The following ITIH5 variants were observed in gnomAD, a reference collection of about 807,000 sequenced individuals.
ITIH5 encodes inter-alpha-trypsin inhibitor heavy chain 5.
A neutral mutation model predicts 77.5 loss-of-function variants in ITIH5; 65 were observed. The observed-to-expected ratio is 0.84, with a 90% CI of 0.69 to 1.03. ITIH5 has a LOEUF of 1.03. Ranked by LOEUF, ITIH5 falls within the 50% of genes least tolerant of loss-of-function variation. ITIH5 has a pLI of 0.00. For missense variants in ITIH5, 1,208 were observed against 1,213.1 expected, an observed-to-expected ratio of 1.00 and a Z score of 0.06; for synonymous variants, 525 against 494.3, an observed-to-expected ratio of 1.06 and a Z score of -0.82.
chr10:7,661,758 T>A (rs1834280370), intron 1 of ITIH5, among the ~76,000 whole-genome samples: 1 of 152,116 alleles, frequency 6.6e-6, no homozygotes. Context: ...TGGAGTGCAG[T>A]GGCATGATTA....
chr10:7,642,030 A>G lies in ITIH5; in HGVS notation c.196T>C (p.Phe66Leu), dbSNP rs189221141. 2 of 1,614,004 alleles carry G rather than the reference A, an allele frequency of 1.2e-6. No homozygotes were observed. The highest frequency in any genetic ancestry group is 1.7e-6 in the Non-Finnish European group (2 of 1,179,860). Residue 66 changes from phenylalanine (F) to leucine (L), a missense_variant, in exon 3 of 14, where the codon TTC (phenylalanine) becomes CTC (leucine). Phe to Leu is a conservative substitution (Grantham distance 22). Coordinates refer to ENST00000397146, the MANE Select transcript of ITIH5 (RefSeq NM_030569.7). ...AGCATTCTGCAGGAAACCGTAGTGA[A>G]GGCATAACGGGAAATGATGGTAGAC... is the stretch of plus-strand genomic sequence containing the variant. The part of the protein sequence containing the change: ...VKSTIISRYA[F>L]TTVSCRMLNR...
intron 7 of ITIH5, among the ~76,000 whole-genome samples, chr10:7,606,717 G>A (rs1833133175): frequency 6.6e-6 from 1 of 152,094 alleles, no homozygotes; most frequent in African/African-American, 2.4e-5. Context: ...CTGTATATGT[G>A]CCTCTTAAAC....
intron 13 of ITIH5, among the ~76,000 whole-genome samples, chr10:7,564,810 T>C (rs140435578): frequency 6.6e-6 from 1 of 151,546 alleles, no homozygotes; most frequent in Non-Finnish European, 1.5e-5. Context: ...TGTGTGTATA[T>C]ATACACACAC....
intron 12 of ITIH5, among the ~76,000 whole-genome samples, chr10:7,566,922 A>AG (rs78382572): frequency 1.7e-4 from 16 of 94,292 alleles, no homozygotes; most frequent in East Asian, 5.6e-4. Flanking sequence ...AAGAAGAAGA[A>AG]AAGAAAAGAA....
chr10:7,572,250 G>C, intron 11 of ITIH5: 3 of 1,317,454 alleles, frequency 2.3e-6, no homozygotes, highest in Non-Finnish European at 3.0e-6. Context: ...CAACAATCAA[G>C]ACTTCCAGAG....
chr10:7,624,878 T>TATATACAC (rs1833548713), intron 5 of ITIH5, among the ~76,000 whole-genome samples: 3 of 75,998 alleles, frequency 3.9e-5, no homozygotes, highest in African/African-American at 1.7e-4. Context: ...TATATGTATG[T>TATATACAC]ATATATATGT....
At chr10:7,640,175 C>T (rs571652307) in intron 4 of ITIH5, among the ~76,000 whole-genome samples, 6 of 104,506 alleles carry the variant, frequency 5.7e-5, no homozygotes, top group South Asian at 3.0e-4. Context: ...AAAAAAACTA[C>T]GTACAGGCCA....
chr10:7,661,244 T>C (rs1301379640), intron 1 of ITIH5, among the ~76,000 whole-genome samples: 3 of 152,176 alleles, frequency 2.0e-5, no homozygotes, highest in South Asian at 2.1e-4. Flanking sequence ...ACTGCTGCCA[T>C]AACAGATCCA....
rs1833641419 is a variant in ITIH5 at position 7,628,843 on chromosome 10, T to TAGCATGTGTCCCTGTTGC, written c.652+8384_652+8385insGCAACAGGGACACATGCT. 3.8e-5 allele frequency among the ~76,000 whole-genome samples: 5 copies of TAGCATGTGTCCCTGTTGC among 131,718 alleles called. 1 individual carries two copies. The highest frequency in any genetic ancestry group is 2.3e-4 in the Admixed American group (3 of 12,988). 86.4% of individuals were successfully genotyped at this position (131,718 alleles called of 152,430 possible). A position where few individuals can be genotyped will look rare whatever the true frequency, so the allele number is the denominator to read the frequency against. Reference sequence around the variant, plus strand: ...CATGTTGTAGCGTGTGTCCCTGTTGTAGCGTGTGTCCCTGTTGTAGCGTGT... The same window carrying TAGCATGTGTCCCTGTTGC: ...CATGTTGTAGCGTGTGTCCCTGTTGTAGCATGTGTCCCTGTTGCAGCGTGTGTCCCTGTTGTAGCGTGT... On this transcript the variant is annotated intron_variant, in intron 5 of 13. Transcript: ENST00000397146.
At chr10:7,590,186 GCT>G (rs1832764919) in intron 7 of ITIH5, among the ~76,000 whole-genome samples, 1 of 152,048 alleles carries the variant, frequency 6.6e-6, no homozygotes. Flanking sequence ...TCTCCTCGCT[GCT>G]CTCTGTCCCG....
At chr10:7,616,422 G>A (rs1391632288) in intron 6 of ITIH5, among the ~76,000 whole-genome samples, 1 of 151,988 alleles carries the variant, frequency 6.6e-6, no homozygotes, top group Non-Finnish European at 1.5e-5. Context: ...CATCTTACAA[G>A]TTGAGACATC....
chr10:7,638,194 G>C (rs956679674), intron 4 of ITIH5, among the ~76,000 whole-genome samples: 1 of 152,226 alleles, frequency 6.6e-6, no homozygotes, highest in African/African-American at 2.4e-5. Context: ...CAGAATCAGA[G>C]AGAGTGCAGG....
intron 8 of ITIH5, 58 bp downstream of exon 8, chr10:7,585,841 CCA>C (rs1832663609): frequency 1.1e-5 from 14 of 1,321,752 alleles, no homozygotes; most frequent in East Asian, 7.6e-5. Context: ...AAAAAAAAAA[CCA>C]AAAAAAAAAA....
chr10:7,653,085 T>C (rs1834126122), intron 2 of ITIH5, among the ~76,000 whole-genome samples: 1 of 152,180 alleles, frequency 6.6e-6, no homozygotes. Context: ...ATTGGCAAAT[T>C]TAAAAGAGTA....
chr10:7,632,675 A>G (rs1374862891), intron 5 of ITIH5, among the ~76,000 whole-genome samples: 2 of 152,198 alleles, frequency 1.3e-5, no homozygotes, highest in African/African-American at 4.8e-5. Context: ...ACCCTAATAC[A>G]TTCAAATTCA....
chr10:7,588,073 A>G (rs11255214), intron 7 of ITIH5, among the ~76,000 whole-genome samples: 43,641 of 152,090 alleles, frequency 0.29, 6,596 homozygotes, highest in East Asian at 0.49. Flanking sequence ...AACTATTCTC[A>G]ATGCATCTAT....
At chr10:7,650,863 G>A (rs1448969834) in intron 2 of ITIH5, among the ~76,000 whole-genome samples, 2 of 152,114 alleles carry the variant, frequency 1.3e-5, no homozygotes, top group East Asian at 1.9e-4. Context: ...AAATGGCATC[G>A]GTTCTGAATC....
At chr10:7,569,183 A>ATT (rs1172412728) in intron 12 of ITIH5, 1 of 151,394 alleles carries the variant, frequency 6.6e-6, no homozygotes, top group Non-Finnish European at 1.5e-5. Flanking sequence ...TGCCGGGCTA[A>ATT]TTTTTTTGTA....
At chr10:7,626,034 G>C (rs1167433532) in intron 5 of ITIH5, among the ~76,000 whole-genome samples, 1 of 152,204 alleles carries the variant, frequency 6.6e-6, no homozygotes, top group East Asian at 1.9e-4. Flanking sequence ...CAGATGGACA[G>C]AGCAGCCCTT....
Sources: gnomAD v4.1 joint callset for allele counts (sites outside exome capture counted in the v4.1 genomes callset) on GRCh38, gnomAD v4.1.1 for gene constraint, MANE v1.5 for transcripts, NCBI Gene and HGNC (gene_info 2026-07-23, HGNC 2026-07-21) for gene names.